ESRRG: variants seen among roughly 807,000 people sequenced by gnomAD.
The protein encoded by ESRRG is estrogen related receptor gamma.
In ESRRG, 13 loss-of-function variants were observed where a neutral mutation model predicts 44.0. That is an observed-to-expected ratio of 0.30 (90% confidence interval 0.19 to 0.47). The LOEUF is 0.47. Among genes scored for constraint, ESRRG ranks in the 20% least tolerant of loss-of-function variants. ESRRG has a pLI of 1.00. For missense variants in ESRRG, 395 were observed against 580.6 expected (o/e 0.68, Z 3.29); for synonymous variants, 215 against 214.6 (o/e 1.00, Z -0.02).
chr1:216,723,708 A>AT (rs970517424), upstream of ESRRG, among the ~76,000 whole-genome samples: 7 of 151,610 alleles, frequency 4.6e-5, no homozygotes, highest in African/African-American at 1.5e-4. Flanking sequence ...CTCGGGTTTG[A>AT]TTTTTTTTCC....
chr1:216,520,717 G>T (rs1336914214), intron 5 of ESRRG, among the ~76,000 whole-genome samples: 3 of 152,036 alleles, frequency 2.0e-5, no homozygotes, highest in Non-Finnish European at 4.4e-5. Context: ...ATCATTTAAG[G>T]TCCTGCCACC....
At chr1:216,889,682 A>C (rs566792823) in intron 2 of ESRRG, among the ~76,000 whole-genome samples, 1 of 152,306 alleles carries the variant, frequency 6.6e-6, no homozygotes, top group East Asian at 1.9e-4. Context: ...TTATAGTTTT[A>C]ACATTTTTTT....
chr1:217,133,029 C>T lies in ESRRG; in HGVS notation c.-230+4638G>A, dbSNP rs566806932. On this transcript the variant is annotated intron_variant, in intron 1 of 8. Coordinates refer to the ESRRG transcript ENST00000366940. ...AGGAGAAAGAGAACTTGGGGTCCTT[C>T]CTATCTAGAGCCCCAGACTGTGAGG... 7.2e-5 allele frequency among the ~76,000 whole-genome samples: 11 copies of T among 152,288 alleles called. No homozygotes were observed. In the East Asian group the frequency reaches 2.1e-3, roughly 29 times the overall value.
At chr1:216,664,637 C>A (rs554908163) in intron 2 of ESRRG, among the ~76,000 whole-genome samples, 3 of 147,878 alleles carry the variant, frequency 2.0e-5, no homozygotes, top group African/African-American at 7.4e-5. Context: ...TCTATAAAAT[C>A]TCTCAAAAAT....
At chr1:216,663,122 TTTTAC>T (rs1343387088) in intron 2 of ESRRG, among the ~76,000 whole-genome samples, 1 of 152,208 alleles carries the variant, frequency 6.6e-6, no homozygotes, top group Non-Finnish European at 1.5e-5. Flanking sequence ...GTTGGAAAAC[TTTTAC>T]TTTAAGTATC....
At position 216,701,142 on chromosome 1, in the gene ESRRG, G is replaced by T. The variant is rs936802602; in HGVS notation, c.56+22102C>A. Among the ~76,000 whole-genome samples the T allele has an allele frequency of 1.4e-4, 22 of 152,098 alleles. 1 individual carries two copies. The East Asian group carries it at 4.2e-3, about 29-fold the overall frequency. ...GAGCAAGTTTGCGGAGTTTGGGGGG[G>T]GTATGAAATATTTATTGAGTGCCTG... On this transcript the variant is annotated intron_variant, in intron 1 of 6. Transcript: ENST00000408911.
intron 3 of ESRRG, among the ~76,000 whole-genome samples, chr1:216,579,223 A>G (rs1280522261): frequency 1.3e-5 from 2 of 152,162 alleles, no homozygotes; most frequent in Non-Finnish European, 2.9e-5. Context: ...ATATTTGGAC[A>G]TCTGGATTAC....
chr1:216,566,867 C>A (rs544562987), intron 4 of ESRRG, among the ~76,000 whole-genome samples: 1 of 152,134 alleles, frequency 6.6e-6, no homozygotes, highest in African/African-American at 2.4e-5. Context: ...TTCACTTAAG[C>A]TTTAATTTTA....
intron 1 of ESRRG, among the ~76,000 whole-genome samples, chr1:217,004,414 C>A (rs1024870464): frequency 6.6e-6 from 1 of 152,124 alleles, no homozygotes; most frequent in African/African-American, 2.4e-5. Flanking sequence ...TGGGAGTTCC[C>A]CTGCACAAGC....
chr1:217,075,189 T>A (rs1011244079), intron 1 of ESRRG, among the ~76,000 whole-genome samples: 1 of 152,234 alleles, frequency 6.6e-6, no homozygotes, highest in African/African-American at 2.4e-5. Flanking sequence ...CCCATGTTGT[T>A]CGAGGGTCAA....
At chr1:217,114,667 C>CTTTTTTTTTTTTTTTTTTTTTTTTTT (rs139701773) in intron 1 of ESRRG, among the ~76,000 whole-genome samples, 1 of 107,254 alleles carries the variant, frequency 9.3e-6, no homozygotes, top group Non-Finnish European at 1.8e-5. Context: ...CAAAAGATTT[C>CTTTTTTTTTTTTTTTTTTTTTTTTTT]TTTTTTTTTT....
chr1:216,564,752 G>T (rs940049490), intron 4 of ESRRG, among the ~76,000 whole-genome samples: 4 of 152,006 alleles, frequency 2.6e-5, no homozygotes, highest in Non-Finnish European at 5.9e-5. Flanking sequence ...GTATAAAATA[G>T]CTTAAAATAA....
chr1:216,592,613 G>C (rs1426935500), intron 3 of ESRRG, among the ~76,000 whole-genome samples: 1 of 151,966 alleles, frequency 6.6e-6, no homozygotes, highest in Non-Finnish European at 1.5e-5. Flanking sequence ...CGATTCTCCT[G>C]CCTCAGCCTC....
chr1:216,693,810 T>A (rs2079567884), intron 1 of ESRRG, among the ~76,000 whole-genome samples: 1 of 152,214 alleles, frequency 6.6e-6, no homozygotes, highest in Non-Finnish European at 1.5e-5. Context: ...TATGTTTCCA[T>A]CCTTCCTCTA....
intron 2 of ESRRG, among the ~76,000 whole-genome samples, chr1:216,729,590 T>G (rs1003730187): frequency 1.3e-4 from 20 of 152,138 alleles, no homozygotes; most frequent in Non-Finnish European, 2.6e-4. Context: ...CTAAAAGATG[T>G]TCCCCTTAAA....
chr1:216,810,909 G>A (rs143342474), intron 2 of ESRRG, among the ~76,000 whole-genome samples: 377 of 150,748 alleles, frequency 2.5e-3, no homozygotes, highest in Non-Finnish European at 4.4e-3. Context: ...AAGTAGCCTC[G>A]CTTTCCAAAA....
intron 5 of ESRRG, among the ~76,000 whole-genome samples, chr1:216,543,652 A>G (rs1169414653): frequency 1.3e-5 from 2 of 151,982 alleles, no homozygotes; most frequent in Non-Finnish European, 2.9e-5. Flanking sequence ...TACGAAAGCT[A>G]TGATTACATT....
intron 2 of ESRRG, among the ~76,000 whole-genome samples, chr1:216,901,404 G>A (rs909811773): frequency 1.9e-4 from 29 of 151,960 alleles, no homozygotes; most frequent in African/African-American, 6.8e-4. Context: ...GTCTTTCTCT[G>A]CCTCCCAGGC....
intron 3 of ESRRG, among the ~76,000 whole-genome samples, chr1:216,575,856 G>T (rs772930891): frequency 9.9e-5 from 15 of 152,180 alleles, no homozygotes; most frequent in Non-Finnish European, 2.1e-4. Flanking sequence ...AAGGTAGGAA[G>T]AATGATGAAC....
Sources: gnomAD v4.1 joint callset for allele counts (sites outside exome capture counted in the v4.1 genomes callset) on GRCh38, gnomAD v4.1.1 for gene constraint, MANE v1.5 for transcripts, NCBI Gene and HGNC (gene_info 2026-07-23, HGNC 2026-07-21) for gene names.